BNIPL: variants seen among roughly 807,000 people sequenced by gnomAD.
The protein encoded by BNIPL is BCL2 interacting protein like.
A neutral mutation model predicts 47.0 loss-of-function variants in BNIPL; 33 were observed. The observed-to-expected ratio is 0.70, with a 90% CI of 0.53 to 0.94. The LOEUF (loss-of-function observed/expected upper bound fraction) is 0.94, where lower values mean the gene tolerates loss of function less well. Among genes scored for constraint, BNIPL ranks in the 40% least tolerant of loss-of-function variants. BNIPL has a pLI of 0.00. For synonymous variants in BNIPL, 145 were observed against 162.7 expected (o/e 0.89, Z 0.83); for missense variants, 404 against 445.2 (o/e 0.91, Z 0.83).
chr1:151,046,775 C>A lies in BNIPL; in HGVS notation c.*88C>A. The A allele has an allele frequency of 8.9e-7, 1 of 1,123,762 alleles. No individual in the cohort carries two copies. The highest frequency in any genetic ancestry group is 1.3e-6 in the Non-Finnish European group (1 of 783,124). The allele number at this position is 1,123,762 out of a possible 1,614,324, so 69.6% of individuals were successfully genotyped here. ...ACATCTGAACTGTTTTGTAAATCAT[C>A]TTATCCCCAACCTCAGTACCACCGG... On this transcript the variant is annotated 3_prime_UTR_variant, in exon 10 of 10. Transcript: ENST00000368931.
At position 151,046,724 on chromosome 1, in the gene BNIPL, G is replaced by A; in HGVS notation, c.*37G>A. 1 of 1,519,298 alleles carries A rather than the reference G, an allele frequency of 6.6e-7. No individual in the cohort carries two copies. Among genetic ancestry groups the A allele is most frequent in the Non-Finnish European group, 9.1e-7 (1 of 1,097,372 alleles). 94.1% of individuals were successfully genotyped at this position (1,519,298 alleles called of 1,614,324 possible). ...ATAAAAGGCCTTAGAACCAGTTAGT[G>A]ATCTGCCTACACCTGAATCCCTGAA... is the stretch of plus-strand genomic sequence containing the variant. On this transcript the variant is annotated 3_prime_UTR_variant, in exon 10 of 10. Transcript: ENST00000368931.
Position 151,046,743 on chromosome 1 carries a change from C to A in BNIPL, c.*56C>A. The A allele has an allele frequency of 7.1e-7, 1 of 1,406,518 alleles. No individual in the cohort carries two copies. The highest frequency in any genetic ancestry group is 9.9e-7 in the Non-Finnish European group (1 of 1,005,662). 87.1% of individuals were successfully genotyped at this position (1,406,518 alleles called of 1,614,324 possible). On this transcript the variant is annotated 3_prime_UTR_variant, in exon 10 of 10. Coordinates refer to ENST00000368931, the MANE Select transcript of BNIPL (RefSeq NM_138278.4). ...GTTAGTGATCTGCCTACACCTGAATCCCTGAAACATCTGAACTGTTTTGTA... is the reference window on the plus strand; with the variant it reads ...GTTAGTGATCTGCCTACACCTGAATACCTGAAACATCTGAACTGTTTTGTA...
chr1:151,042,964 C>T lies in BNIPL; in HGVS notation c.442C>T (p.Pro148Ser), dbSNP rs748153724. The change falls in exon 5 of 10, where the codon CCC (proline) becomes TCC (serine). Residue 148 changes from proline (P) to serine (S), a missense_variant. Coordinates refer to ENST00000368931, the MANE Select transcript of BNIPL (RefSeq NM_138278.4). The stretch of plus-strand genomic sequence containing the variant: ...CCATCCCTCTCTTTTAGATGAACTA[C>T]CCCGGGCAGAGGGTCTGGGCACCAG... ...GHEFEWEDELPRAEGLGTSET... is the reference protein window; with the variant it reads ...GHEFEWEDELSRAEGLGTSET... 6.3e-7 allele frequency: 1 copy of T among 1,577,748 alleles called. No homozygotes were observed. The highest frequency in any genetic ancestry group is 1.2e-5 in the South Asian group (1 of 85,138).
Position 151,045,879 on chromosome 1 carries a change from A to C in BNIPL, c.934A>C (p.Ile312Leu), listed in dbSNP as rs773703116. Residue 312 changes from isoleucine (I) to leucine (L), a missense_variant, in exon 8 of 10, where the codon ATC becomes CTC. Physicochemically the swap from Ile to Leu is conservative, Grantham distance 5 (BLOSUM62 2). Transcript: ENST00000368931. ...ATTTCTGGCACTGCTTCGGCCCTTC[A>C]TCAGGTACTAGTTCTAGGAACAAGG... The part of the protein sequence containing the change: ...KAFLALLRPF[I>L]SSKFTRKIRF... The C allele has an allele frequency of 4.5e-5, 72 of 1,614,074 alleles. No individual in the cohort carries two copies. Among genetic ancestry groups the C allele is most frequent in the Non-Finnish European group, 4.5e-5 (53 of 1,180,040 alleles).
Position 151,039,014 on chromosome 1 carries a change from T to G in BNIPL, c.421T>G (p.Phe141Val), listed in dbSNP as rs1247382250. 3 of 1,579,556 alleles carry G rather than the reference T, an allele frequency of 1.9e-6. No individual in the cohort carries two copies. Among genetic ancestry groups the G allele is most frequent in the Non-Finnish European group, 2.6e-6 (3 of 1,163,860 alleles). ...DSEQLDSGHE[F>V]EWEDELPRAE... ...GGAGCAGCTGGACAGTGGACATGAATTTGAATGGGAAGGTGGGAAACAAAC... is the reference window on the plus strand; with the variant it reads ...GGAGCAGCTGGACAGTGGACATGAAGTTGAATGGGAAGGTGGGAAACAAAC... The change falls in exon 4 of 10, where the codon TTT (phenylalanine) becomes GTT (valine). Residue 141 changes from phenylalanine to valine, a missense_variant. Transcript: ENST00000368931.
chr1:151,043,920 T>C (rs11204764), intron 7 of BNIPL, among the ~76,000 whole-genome samples, 193 bp downstream of exon 7: 17,134 of 152,220 alleles, frequency 0.11, 1,786 homozygotes, highest in African/African-American at 0.28. Flanking sequence ...ACCACATTAC[T>C]GTTTACTAGC....
At chr1:151,044,221 G>A (rs1271535175) in intron 7 of BNIPL, among the ~76,000 whole-genome samples, 3 of 152,184 alleles carry the variant, frequency 2.0e-5, no homozygotes, top group African/African-American at 7.2e-5. Flanking sequence ...CTGAGCTCAA[G>A]TGATCTGCCT....
chr1:151,044,101 C>G (rs1190769740), intron 7 of BNIPL, among the ~76,000 whole-genome samples: 1 of 152,212 alleles, frequency 6.6e-6, no homozygotes, highest in East Asian at 1.9e-4. Flanking sequence ...CCTCCCACCT[C>G]AGCCTCCCAA....
chr1:151,045,696 G>GA, intron 7 of BNIPL, 101 bp from the exon 8 acceptor site: 2 of 1,576,316 alleles, frequency 1.3e-6, no homozygotes, highest in Non-Finnish European at 1.7e-6. Context: ...CTAGAAACTA[G>GA]AGAAGTGAAT....
intron 7 of BNIPL, among the ~76,000 whole-genome samples, chr1:151,044,252 T>G (rs1248463633): frequency 1.3e-5 from 2 of 152,230 alleles, no homozygotes; most frequent in Non-Finnish European, 2.9e-5. Flanking sequence ...CCCAAAATGC[T>G]GAGATTATAG....
chr1:151,046,557 T>C, intron 9 of BNIPL, 94 bp from the exon 10 acceptor site: 1 of 1,197,846 alleles, frequency 8.3e-7, no homozygotes, highest in Middle Eastern at 2.0e-4. Context: ...CATCTAGCTC[T>C]TCCAATTCAC....
At chr1:151,036,817 G>C in intron 1 of BNIPL, 51 bp downstream of exon 1, 1 of 1,537,618 alleles carries the variant, frequency 6.5e-7, no homozygotes. Context: ...AAACAGTCCG[G>C]AGAGACTTCC....
Position 151,043,297 on chromosome 1 carries a change from G to T in BNIPL, c.617-35G>T, listed in dbSNP as rs587730557. On this transcript the variant is annotated intron_variant, in intron 5 of 9. Coordinates refer to ENST00000368931, the MANE Select transcript of BNIPL (RefSeq NM_138278.4). ...ATATACTATCTGTCAATACATATTT[G>T]TTGACCAAATGAATTTTCCCCTTAC... is the stretch of plus-strand genomic sequence containing the variant. 36 of 1,538,848 alleles carry T rather than the reference G, an allele frequency of 2.3e-5. No individual in the cohort carries two copies. The South Asian group carries it at 3.4e-4, about 14-fold the overall frequency.
In BNIPL at chr1:151,043,364, C is replaced by T; in HGVS notation, c.649C>T (p.Leu217Phe). The change falls in exon 6 of 10, where the codon CTT (leucine) becomes TTT (phenylalanine). Residue 217 changes from leucine (L) to phenylalanine (F), a missense_variant. Leu to Phe is a conservative substitution (Grantham distance 22). Coordinates refer to ENST00000368931, the MANE Select transcript of BNIPL (RefSeq NM_138278.4). Reference protein sequence around the residue: ...YHGDGLNAVILFASCYLPRSS... With the variant: ...YHGDGLNAVIFFASCYLPRSS... Reference sequence around the variant, plus strand: ...CGGTGATGGCCTCAATGCTGTCATCCTTTTTGCTTCCTGTTATCTACCCAG... The same window carrying T: ...CGGTGATGGCCTCAATGCTGTCATCTTTTTTGCTTCCTGTTATCTACCCAG... The T allele has an allele frequency of 6.2e-7, 1 of 1,611,886 alleles. No homozygotes were observed. Among genetic ancestry groups the T allele is most frequent in the Non-Finnish European group, 8.5e-7 (1 of 1,177,928 alleles).
At chr1:151,046,547 C>T in intron 9 of BNIPL, 104 bp from the exon 10 acceptor site, 1 of 1,073,672 alleles carries the variant, frequency 9.3e-7, no homozygotes, top group Non-Finnish European at 1.4e-6. Flanking sequence ...TCAACCCAAT[C>T]ATCTAGCTCT....
chr1:151,036,918 T>C, intron 1 of BNIPL, 152 bp downstream of exon 1: 1 of 738,738 alleles, frequency 1.4e-6, no homozygotes, highest in South Asian at 1.6e-5. Context: ...AGGGTGGTTT[T>C]AGGTAGGAAA....
chr1:151,045,608 C>A, intron 7 of BNIPL, 189 bp from the exon 8 acceptor site: 26 of 827,522 alleles, frequency 3.1e-5, no homozygotes, highest in Admixed American at 3.9e-5. Flanking sequence ...AAATGAGGAT[C>A]ATGGAGGGCT....
At chr1:151,042,864 A>T in intron 4 of BNIPL, 92 bp from the exon 5 acceptor site, 1 of 1,060,236 alleles carries the variant, frequency 9.4e-7, no homozygotes, top group Non-Finnish European at 1.3e-6. Flanking sequence ...GTAATGACAG[A>T]TTAGAGTAAC....
At chr1:151,045,692 A>G (rs1444246423) in intron 7 of BNIPL, 105 bp from the exon 8 acceptor site, 5 of 1,564,344 alleles carry the variant, frequency 3.2e-6, no homozygotes, top group Non-Finnish European at 4.3e-6. Flanking sequence ...AAATCTAGAA[A>G]CTAGAGAAGT....
Sources: allele counts gnomAD v4.1 joint callset (sites outside exome capture counted in the v4.1 genomes callset), GRCh38; gene constraint gnomAD v4.1.1; transcripts MANE v1.5; gene names NCBI Gene and HGNC (gene_info 2026-07-23, HGNC 2026-07-21).